Variants in RTN4RL1 observed in about 807,000 individuals in gnomAD.
RTN4RL1 encodes the protein reticulon 4 receptor like 1.
In RTN4RL1, 7 loss-of-function variants were observed where a neutral mutation model predicts 25.6. That is an observed-to-expected ratio of 0.27 (90% CI 0.16 to 0.51). The LOEUF (loss-of-function observed/expected upper bound fraction) is 0.51, where lower values mean the gene tolerates loss of function less well. Ranked by LOEUF, RTN4RL1 falls within the 20% of genes least tolerant of loss-of-function variation. RTN4RL1 has a pLI of 0.97. For missense variants in RTN4RL1, 500 were observed against 615.6 expected (o/e 0.81, Z 1.99); for synonymous variants, 297 against 288.2 (o/e 1.03, Z -0.31).
chr17:2,017,991 G>T (rs945516325), intron 1 of RTN4RL1: 1 of 152,398 alleles, frequency 6.6e-6, no homozygotes, highest in Admixed American at 6.5e-5. Context: ...GACCTCTCTG[G>T]GACTCAACCG....
In RTN4RL1 at chr17:2,011,314, C is replaced by T. The variant is rs566107213; in HGVS notation, c.13+13539G>A. On this transcript the variant is annotated intron_variant, in intron 1 of 1. Coordinates refer to ENST00000331238, the MANE Select transcript of RTN4RL1 (RefSeq NM_178568.4). ...GTCAAATGGAGACAGCCCTCCATAC[C>T]CCTCCTGGCTGACAAGATAAAAGGT... is the stretch of plus-strand genomic sequence containing the variant. Among the ~76,000 whole-genome samples, 3 of 152,276 alleles carry T rather than the reference C, an allele frequency of 2.0e-5. No individual in the cohort carries two copies. In the South Asian group the frequency reaches 6.2e-4, roughly 32 times the overall value.
rs956025994 is a variant in RTN4RL1 at position 1,935,443 on chromosome 17, T to C, written c.*1053A>G. 1.2e-5 allele frequency: 7 copies of C among 579,084 alleles called. No individual in the cohort carries two copies. Among genetic ancestry groups the C allele is most frequent in the Non-Finnish European group, 1.5e-5 (7 of 458,508 alleles). 35.9% of individuals were successfully genotyped at this position (579,084 alleles called of 1,614,324 possible). Reference sequence around the variant, plus strand: ...AAAACAAGGTGATGCTCTAAATATCTAAGAATATTGGTCCCCCAAAGTGAC... The same window carrying C: ...AAAACAAGGTGATGCTCTAAATATCCAAGAATATTGGTCCCCCAAAGTGAC... On this transcript the variant is annotated 3_prime_UTR_variant, in exon 2 of 2. Transcript: ENST00000331238.
At chr17:1,948,954 G>T (rs1269664096) in intron 1 of RTN4RL1, among the ~76,000 whole-genome samples, 3 of 151,410 alleles carry the variant, frequency 2.0e-5, no homozygotes, top group Non-Finnish European at 4.4e-5. Flanking sequence ...CACCACGCCT[G>T]GCTAATTTTT....
At chr17:2,005,987 C>T (rs947128474) in intron 1 of RTN4RL1, among the ~76,000 whole-genome samples, 1 of 151,522 alleles carries the variant, frequency 6.6e-6, no homozygotes, top group Non-Finnish European at 1.5e-5. Flanking sequence ...TTAGTAAAGA[C>T]GGGATTTCAC....
At chr17:1,988,260 C>A (rs1567517753) in intron 1 of RTN4RL1, among the ~76,000 whole-genome samples, 1 of 151,508 alleles carries the variant, frequency 6.6e-6, no homozygotes. Flanking sequence ...ACTAAAAATA[C>A]AAAAATTAGC....
chr17:1,990,547 A>G (rs1200049871), intron 1 of RTN4RL1, among the ~76,000 whole-genome samples: 1 of 151,916 alleles, frequency 6.6e-6, no homozygotes, highest in Non-Finnish European at 1.5e-5. Context: ...CAAAACATAA[A>G]AAATATTAGC....
chr17:2,009,607 A>G (rs1399558678), intron 1 of RTN4RL1, among the ~76,000 whole-genome samples: 1 of 123,102 alleles, frequency 8.1e-6, no homozygotes, highest in Non-Finnish European at 1.7e-5. Context: ...AAAAAAAAAA[A>G]GGCAGGATTC....
At chr17:2,020,602 C>T (rs1236115839) in intron 1 of RTN4RL1, 1 of 152,174 alleles carries the variant, frequency 6.6e-6, no homozygotes, top group African/African-American at 2.4e-5. Context: ...GGTTGCAGGC[C>T]TTAATCTAGC....
intron 1 of RTN4RL1, among the ~76,000 whole-genome samples, chr17:2,006,158 A>ATTT (rs781005282): frequency 2.4e-5 from 3 of 124,464 alleles, no homozygotes; most frequent in African/African-American, 5.9e-5. Context: ...GAGGTTTGCA[A>ATTT]TTTTTTTTTT....
At chr17:1,939,199 A>G (rs1020825341) in intron 1 of RTN4RL1, among the ~76,000 whole-genome samples, 5 of 150,692 alleles carry the variant, frequency 3.3e-5, no homozygotes. Flanking sequence ...AAAAATACAA[A>G]AAAATTAGCC....
At chr17:1,946,241 T>G (rs1915535811) in intron 1 of RTN4RL1, among the ~76,000 whole-genome samples, 1 of 152,212 alleles carries the variant, frequency 6.6e-6, no homozygotes, top group African/African-American at 2.4e-5. Flanking sequence ...ATCCAGGTCA[T>G]TCAGGTCAGG....
intron 1 of RTN4RL1, among the ~76,000 whole-genome samples, chr17:1,981,714 G>A (rs1354718609): frequency 6.6e-6 from 1 of 152,210 alleles, no homozygotes; most frequent in Non-Finnish European, 1.5e-5. Context: ...CCTCAGCCTG[G>A]ACTGCTGTTC....
chr17:1,953,226 G>A (rs1402532159), intron 1 of RTN4RL1, among the ~76,000 whole-genome samples: 3 of 151,862 alleles, frequency 2.0e-5, no homozygotes, highest in Non-Finnish European at 4.4e-5. Flanking sequence ...GGACAACATA[G>A]TTAGAACCCA....
intron 1 of RTN4RL1, among the ~76,000 whole-genome samples, chr17:2,012,797 CT>C (rs5818845): frequency 1.8e-4 from 26 of 146,288 alleles, no homozygotes; most frequent in African/African-American, 1.8e-4. Flanking sequence ...TCTTCTTCTT[CT>C]TTTTTTTTTT....
chr17:1,948,222 G>A (rs1296772946), intron 1 of RTN4RL1, among the ~76,000 whole-genome samples: 1 of 152,146 alleles, frequency 6.6e-6, no homozygotes, highest in East Asian at 1.9e-4. Context: ...TCTCCCCATC[G>A]AGCCAGCCCC....
chr17:1,979,431 T>A (rs1044706163), intron 1 of RTN4RL1, among the ~76,000 whole-genome samples: 20 of 136,834 alleles, frequency 1.5e-4, no homozygotes, highest in Non-Finnish European at 1.6e-5. Context: ...GAGCTATGCG[T>A]GCGCCACTGC....
intron 1 of RTN4RL1, among the ~76,000 whole-genome samples, chr17:1,999,218 C>T (rs1022371160): frequency 2.0e-5 from 3 of 151,176 alleles, no homozygotes; most frequent in Non-Finnish European, 2.9e-5. Context: ...GAGGCGGAGG[C>T]GGGCGGATCA....
intron 1 of RTN4RL1, among the ~76,000 whole-genome samples, chr17:1,964,601 G>A (rs1357116248): frequency 2.0e-5 from 3 of 151,642 alleles, no homozygotes; most frequent in Admixed American, 6.6e-5. Flanking sequence ...GCGTGGTGGC[G>A]GGCGCCTGTA....
At chr17:1,972,630 T>G (rs1013398931) in intron 1 of RTN4RL1, among the ~76,000 whole-genome samples, 2 of 152,180 alleles carry the variant, frequency 1.3e-5, no homozygotes, top group African/African-American at 4.8e-5. Context: ...TGCCCCAGAC[T>G]CGTGCCTGTT....
Sources: gnomAD v4.1 joint callset for allele counts (sites outside exome capture counted in the v4.1 genomes callset) on GRCh38, gnomAD v4.1.1 for gene constraint, MANE v1.5 for transcripts, NCBI Gene and HGNC (gene_info 2026-07-23, HGNC 2026-07-21) for gene names.